MAP2K5: variants seen among roughly 807,000 people sequenced by gnomAD.
MAP2K5 encodes the protein mitogen-activated protein kinase kinase 5.
A neutral mutation model predicts 83.1 loss-of-function variants in MAP2K5; 49 were observed. That is an observed-to-expected ratio of 0.59 (90% CI 0.47 to 0.75). The LOEUF is 0.75. Ranked by LOEUF, MAP2K5 falls within the 30% of genes least tolerant of loss-of-function variation. MAP2K5 has a pLI of 0.00. For missense variants in MAP2K5, 457 were observed against 557.5 expected (o/e 0.82, Z 1.82); for synonymous variants, 202 against 191.8 (o/e 1.05, Z -0.44).
At chr15:67,673,475 T>C (rs945026657) in intron 13 of MAP2K5, among the ~76,000 whole-genome samples, 2 of 152,156 alleles carry the variant, frequency 1.3e-5, no homozygotes, top group African/African-American at 2.4e-5. Context: ...ATTTATTAAA[T>C]GGGAAAAGAG....
intron 1 of MAP2K5, chr15:67,549,292 T>G (rs890734956): frequency 8.5e-7 from 1 of 1,179,050 alleles, no homozygotes; most frequent in Non-Finnish European, 1.2e-6. Flanking sequence ...ATTTAAGCAT[T>G]GATGTCAGAT....
In MAP2K5 at chr15:67,636,642, A is replaced by G. The variant is rs567426600; in HGVS notation, c.585+5715A>G. ...GCTACTCTGCTTGAGCAGAGCAGCTATGCCTTATAATTTTTTATTGGATAC... is the reference window on the plus strand; with the variant it reads ...GCTACTCTGCTTGAGCAGAGCAGCTGTGCCTTATAATTTTTTATTGGATAC... On this transcript the variant is annotated intron_variant, in intron 9 of 21. Transcript: ENST00000178640. This position sits in a 1 kb window ranked among gnomAD's most constrained non-coding sequence, Gnocchi z 4.7. 7.5e-4 allele frequency among the ~76,000 whole-genome samples: 114 copies of G among 152,210 alleles called. No individual in the cohort carries two copies. Among genetic ancestry groups the G allele is most frequent in the African/African-American group, 2.6e-3 (110 of 41,536 alleles).
At chr15:67,670,332 G>A (rs1262021278) in intron 13 of MAP2K5, 4 of 449,496 alleles carry the variant, frequency 8.9e-6, no homozygotes, top group Non-Finnish European at 1.8e-5. Context: ...GGAGTTGACT[G>A]TAAAGGCATG....
At position 67,726,645 on chromosome 15, in the gene MAP2K5, T is replaced by C. The variant is rs1045940612; in HGVS notation, c.1045-1271T>C. Among the ~76,000 whole-genome samples, 3 of 152,354 alleles carry C rather than the reference T, an allele frequency of 2.0e-5. No homozygotes were observed. In the East Asian group the frequency reaches 5.8e-4, roughly 29 times the overall value. On this transcript the variant is annotated intron_variant, in intron 16 of 21. Coordinates refer to ENST00000178640, the MANE Select transcript of MAP2K5 (RefSeq NM_145160.3). ...TGCAGGAAGGAACACTGGATTAAGT[T>C]GCAAATCTTAGGGTCAGTTCCTAGG...
rs1157722496 is a variant in MAP2K5, at chr15:67,563,555, A to G, written c.252+205A>G. On this transcript the variant is annotated intron_variant, in intron 3 of 21. Coordinates refer to ENST00000178640, the MANE Select transcript of MAP2K5 (RefSeq NM_145160.3). This position sits in a 1 kb window ranked among gnomAD's most constrained non-coding sequence, Gnocchi z 4.5. ...CTTACTGATCATATCATAAACATTA[A>G]GAATAATGCATCTTAATGACTTTTG... is the stretch of plus-strand genomic sequence containing the variant. Among the ~76,000 whole-genome samples the G allele has an allele frequency of 1.3e-5, 2 of 152,240 alleles. No individual in the cohort carries two copies. The highest frequency in any genetic ancestry group is 2.9e-5 in the Non-Finnish European group (2 of 68,042).
At chr15:67,795,422 C>A (rs2090588361) in intron 21 of MAP2K5, among the ~76,000 whole-genome samples, 1 of 152,212 alleles carries the variant, frequency 6.6e-6, no homozygotes. Flanking sequence ...TATTTACATG[C>A]AGTGTTTTCA....
At chr15:67,712,080 T>C (rs1193509725) in intron 16 of MAP2K5, among the ~76,000 whole-genome samples, 1 of 152,230 alleles carries the variant, frequency 6.6e-6, no homozygotes, top group East Asian at 1.9e-4. Flanking sequence ...AAATAAGTGA[T>C]ACCTGGCACC....
At chr15:67,670,026 A>T (rs910239297) in intron 13 of MAP2K5, among the ~76,000 whole-genome samples, 3 of 152,180 alleles carry the variant, frequency 2.0e-5, no homozygotes, top group African/African-American at 7.2e-5. Flanking sequence ...TAATAGCTCC[A>T]AACTGGAAAC....
chr15:67,626,812 A>G (rs2086335537), intron 8 of MAP2K5, among the ~76,000 whole-genome samples: 1 of 152,090 alleles, frequency 6.6e-6, no homozygotes, highest in Non-Finnish European at 1.5e-5. Flanking sequence ...AGGTGGGAGG[A>G]TCGCTTGAGC....
At chr15:67,701,353 T>C (rs2088412226) in intron 15 of MAP2K5, among the ~76,000 whole-genome samples, 1 of 152,218 alleles carries the variant, frequency 6.6e-6, no homozygotes, top group African/African-American at 2.4e-5. Context: ...ATGCATTGAC[T>C]GCATACCTGT....
At chr15:67,593,734 G>A (rs2085465567) in intron 7 of MAP2K5, among the ~76,000 whole-genome samples, 1 of 152,204 alleles carries the variant, frequency 6.6e-6, no homozygotes, top group Admixed American at 6.5e-5. Context: ...TATTGACTGA[G>A]ACATCTGTGT....
At chr15:67,556,307 A>G (rs572187420) in intron 2 of MAP2K5, among the ~76,000 whole-genome samples, 5 of 152,152 alleles carry the variant, frequency 3.3e-5, no homozygotes, top group African/African-American at 9.6e-5. Flanking sequence ...AAATTTTTAC[A>G]TGGTCAAACT....
At position 67,609,553 on chromosome 15, in the gene MAP2K5, CTG is replaced by C. The variant is rs2085867834; in HGVS notation, c.545+8806_545+8807del. Among the ~76,000 whole-genome samples, 5 of 47,360 alleles carry C rather than the reference CTG, an allele frequency of 1.1e-4. 2 individuals carry two copies. Among genetic ancestry groups the C allele is most frequent in the Non-Finnish European group, 2.1e-4 (4 of 18,748 alleles). 31.1% of individuals were successfully genotyped at this position (47,360 alleles called of 152,430 possible). On this transcript the variant is annotated intron_variant, in intron 8 of 21. Coordinates refer to ENST00000178640, the MANE Select transcript of MAP2K5 (RefSeq NM_145160.3). The stretch of plus-strand genomic sequence containing the variant: ...GATTCTGTAGACCTATTCTATAGGT[CTG>C]TAGATTCTGTAGACCTATTCTATAG...
At chr15:67,727,801 T>C in intron 16 of MAP2K5, 115 bp from the exon 17 acceptor site, 2 of 799,688 alleles carry the variant, frequency 2.5e-6, no homozygotes, top group Non-Finnish European at 4.5e-6. Flanking sequence ...CATTCAAGGT[T>C]GTGAACTTTT....
In MAP2K5 at chr15:67,757,083, C is replaced by G. The variant is rs925013879; in HGVS notation, c.1134+8482C>G. Among the ~76,000 whole-genome samples, 1 of 151,840 alleles carries G rather than the reference C, an allele frequency of 6.6e-6. No homozygotes were observed. The highest frequency in any genetic ancestry group is 2.4e-5 in the African/African-American group (1 of 41,328). On this transcript the variant is annotated intron_variant, in intron 19 of 21. Coordinates refer to ENST00000178640, the MANE Select transcript of MAP2K5 (RefSeq NM_145160.3). The surrounding 1 kb of genome is among the most constrained non-coding windows in gnomAD (Gnocchi z 4.9). ...GAGAAGTTGGATTACTGAATCATAG[C>G]GTAGTTCTTTTTTTAGTTTTTTGAG...
intron 17 of MAP2K5, among the ~76,000 whole-genome samples, chr15:67,729,626 AT>A: frequency 6.6e-6 from 1 of 152,018 alleles, no homozygotes; most frequent in South Asian, 2.1e-4. Flanking sequence ...AAAAAAAAAA[AT>A]TAGCCGGGCG....
rs1348639452 is a variant in MAP2K5 at position 67,785,196 on chromosome 15, G to A, written c.1242+12444G>A. On this transcript the variant is annotated intron_variant, in intron 21 of 21. Transcript: ENST00000178640. This position sits in a 1 kb window ranked among gnomAD's most constrained non-coding sequence, Gnocchi z 4.4. Reference sequence around the variant, plus strand: ...CTGACCTCAAGTGATCCGCCTGCCTGGGCCTCTCAGAGTGCTGGGATTACA... The same window carrying A: ...CTGACCTCAAGTGATCCGCCTGCCTAGGCCTCTCAGAGTGCTGGGATTACA... Among the ~76,000 whole-genome samples, 1 of 152,144 alleles carries A rather than the reference G, an allele frequency of 6.6e-6. No homozygotes were observed. The highest frequency in any genetic ancestry group is 2.4e-5 in the African/African-American group (1 of 41,432).
In MAP2K5 at chr15:67,661,325, CA is replaced by C. The variant is rs565548176; in HGVS notation, c.798+2712del. Among the ~76,000 whole-genome samples the C allele has an allele frequency of 1.4e-4, 22 of 152,234 alleles. No homozygotes were observed. The East Asian group carries it at 3.5e-3, about 24-fold the overall frequency. On this transcript the variant is annotated intron_variant, in intron 12 of 21. Transcript: ENST00000178640. Reference sequence around the variant, plus strand: ...TCTATTTTTCTTCTCATTTCTGAAGCAGTGACATTGTGTACTGTATTTTGAG... The same window carrying C: ...TCTATTTTTCTTCTCATTTCTGAAGCGTGACATTGTGTACTGTATTTTGAG...
intron 8 of MAP2K5, chr15:67,627,943 G>C (rs567745808): frequency 1.1e-5 from 9 of 785,272 alleles, no homozygotes; most frequent in African/African-American, 1.0e-4. Context: ...AGAGCCTGAG[G>C]AGCCATTTTA....
Sources: allele counts gnomAD v4.1 joint callset (sites outside exome capture counted in the v4.1 genomes callset), GRCh38; gene constraint gnomAD v4.1.1; non-coding constraint Gnocchi (gnomAD v3.1); transcripts MANE v1.5; gene names NCBI Gene and HGNC (gene_info 2026-07-23, HGNC 2026-07-21).